Variants in CYB5RL observed in about 807,000 individuals in gnomAD.
CYB5RL encodes NADH-cytochrome b5 reductase-like.
CYB5RL carries 38 observed loss-of-function variants against 37.5 expected under a neutral mutation model. The observed-to-expected ratio is 1.01, with a 90% CI of 0.78 to 1.33. CYB5RL has a LOEUF of 1.33. Among genes scored for constraint, CYB5RL ranks in the 40% most tolerant of loss-of-function variants. The probability of loss-of-function intolerance (pLI) is 0.00; values close to 1 mark genes in which losing one functional copy is unlikely to be tolerated. For missense variants in CYB5RL, 388 were observed against 394.4 expected (o/e 0.98, Z 0.14); for synonymous variants, 141 against 151.9 (o/e 0.93, Z 0.53).
chr1:54,171,743 G>C lies in CYB5RL; in HGVS notation c.*2876C>G. 3.0e-6 allele frequency: 1 copy of C among 331,024 alleles called. No homozygotes were observed. Among genetic ancestry groups the C allele is most frequent in the South Asian group, 2.6e-5 (1 of 38,738 alleles). The allele number at this position is 331,024 out of a possible 1,614,324, so 20.5% of individuals were successfully genotyped here. A position where few individuals can be genotyped will look rare whatever the true frequency, so the allele number is the denominator to read the frequency against. On this transcript the variant is annotated 3_prime_UTR_variant, in exon 8 of 8. Coordinates refer to ENST00000534324, the MANE Select transcript of CYB5RL (RefSeq NM_001031672.4). ...GCCACGCCTCCCACAACACGCAGTG[G>C]GCATCATCAGAGGAACAGCAGCTGA...
Position 54,173,220 on chromosome 1 carries a change from T to G in CYB5RL, c.*1399A>C, listed in dbSNP as rs1659935001. 3 of 152,322 alleles carry G rather than the reference T, an allele frequency of 2.0e-5. No homozygotes were observed. In the South Asian group the frequency reaches 6.2e-4, roughly 32 times the overall value. The allele number at this position is 152,322 out of a possible 1,614,324, so 9.4% of individuals were successfully genotyped here. ...TTAAATGTGACACAGCAGAGAGATT[T>G]GTTGCCATTTTTTTTAGTGGCTAGG... On this transcript the variant is annotated 3_prime_UTR_variant, in exon 8 of 8. Transcript: ENST00000534324.
At chr1:54,195,315 C>T in intron 3 of CYB5RL, 104 bp downstream of exon 3, 1 of 1,306,910 alleles carries the variant, frequency 7.7e-7, no homozygotes, top group Non-Finnish European at 1.0e-6. Context: ...ATACTCTTTT[C>T]TTCTGCTGTA....
intron 1 of CYB5RL, among the ~76,000 whole-genome samples, chr1:54,199,295 CAG>C (rs1444488680): frequency 6.6e-6 from 1 of 152,196 alleles, no homozygotes; most frequent in Non-Finnish European, 1.5e-5. Context: ...AGTGAAGAAA[CAG>C]AAACCCTTGC....
In CYB5RL at chr1:54,198,630, C is replaced by CTTT. The variant is rs145616563; in HGVS notation, c.-223+1343_-223+1345dup. Among the ~76,000 whole-genome samples the CTTT allele has an allele frequency of 4.2e-4, 44 of 103,916 alleles. 1 individual carries two copies. The highest frequency in any genetic ancestry group is 9.1e-4 in the African/African-American group (23 of 25,304). The allele number at this position is 103,916 out of a possible 152,430, so 68.2% of individuals were successfully genotyped here. ...ATAGGCGTGAGCCACCATGCCCGGC[C>CTTT]TTTTTTTTTTTTTTTTTTTGAGACA... On this transcript the variant is annotated intron_variant, in intron 1 of 7. Transcript: ENST00000534324.
At position 54,192,207 on chromosome 1, in the gene CYB5RL, T is replaced by TG. The variant is rs1553177920; in HGVS notation, c.199-1312_199-1311insC. 2.8e-5 allele frequency among the ~76,000 whole-genome samples: 4 copies of TG among 142,512 alleles called. No homozygotes were observed. The Admixed American group carries it at 2.9e-4, about 10-fold the overall frequency. The allele number at this position is 142,512 out of a possible 152,430, so 93.5% of individuals were successfully genotyped here. On this transcript the variant is annotated intron_variant, in intron 3 of 7. Coordinates refer to ENST00000534324, the MANE Select transcript of CYB5RL (RefSeq NM_001031672.4). The stretch of plus-strand genomic sequence containing the variant: ...TTTTTTTTTTTTTTTTTTTTTGAGA[T>TG]AGAGTCTCGCTCTGTTGCCCAGGCT...
chr1:54,179,881 A>T, intron 6 of CYB5RL: 1 of 449,190 alleles, frequency 2.2e-6, no homozygotes, highest in Non-Finnish European at 4.4e-6. Context: ...GAGCTTGCTC[A>T]TCTCTAGGCT....
At chr1:54,199,936 G>A (rs1174048389) in intron 1 of CYB5RL, 40 bp downstream of exon 1, 3 of 396,766 alleles carry the variant, frequency 7.6e-6, no homozygotes, top group South Asian at 9.5e-5. Context: ...GTCCAGGTCT[G>A]AAGTCCTGGA....
At chr1:54,192,773 T>G (rs1413595185) in intron 3 of CYB5RL, among the ~76,000 whole-genome samples, 1 of 151,898 alleles carries the variant, frequency 6.6e-6, no homozygotes, top group Non-Finnish European at 1.5e-5. Flanking sequence ...TTTTTTTTTT[T>G]GAGACAGAGT....
intron 4 of CYB5RL, among the ~76,000 whole-genome samples, chr1:54,190,221 C>T (rs1158965506): frequency 1.3e-5 from 2 of 152,174 alleles, no homozygotes; most frequent in Non-Finnish European, 2.9e-5. Flanking sequence ...TGGTAAAGAG[C>T]GTAACTCAGG....
At chr1:54,197,486 G>C (rs527954064) in intron 1 of CYB5RL, among the ~76,000 whole-genome samples, 9 of 152,004 alleles carry the variant, frequency 5.9e-5, no homozygotes, top group African/African-American at 2.2e-4. Context: ...ACAATGCCCG[G>C]CTAGGTTTTA....
At chr1:54,177,759 T>A (rs1176318666) in intron 7 of CYB5RL, among the ~76,000 whole-genome samples, 1 of 152,226 alleles carries the variant, frequency 6.6e-6, no homozygotes, top group East Asian at 1.9e-4. Flanking sequence ...GAGAATGTGC[T>A]GAATGAAGGG....
In CYB5RL at chr1:54,184,150, C is replaced by T. The variant is rs1660233619; in HGVS notation, c.540+11G>A. 6.2e-7 allele frequency: 1 copy of T among 1,609,478 alleles called. No homozygotes were observed. The highest frequency in any genetic ancestry group is 8.5e-7 in the Non-Finnish European group (1 of 1,177,788). On this transcript the variant is annotated intron_variant, in intron 6 of 7. Transcript: ENST00000534324. Reference sequence around the variant, plus strand: ...AGGGATCTCCTGAAGATTTAAGGTGCTGGCACTGACCTGGTTTGGTTTATA... The same window carrying T: ...AGGGATCTCCTGAAGATTTAAGGTGTTGGCACTGACCTGGTTTGGTTTATA...
intron 7 of CYB5RL, among the ~76,000 whole-genome samples, chr1:54,176,311 T>C (rs1328266843): frequency 6.6e-6 from 1 of 152,180 alleles, no homozygotes; most frequent in Non-Finnish European, 1.5e-5. Context: ...GGTGGCAGGA[T>C]CGCTTGAGCC....
At chr1:54,177,069 TAGG>T (rs1004066289) in intron 7 of CYB5RL, among the ~76,000 whole-genome samples, 12 of 152,094 alleles carry the variant, frequency 7.9e-5, no homozygotes, top group Non-Finnish European at 1.5e-4. Context: ...GAGGGCGGGC[TAGG>T]AGATGAGGCC....
intron 3 of CYB5RL, among the ~76,000 whole-genome samples, chr1:54,191,379 G>A (rs1029264392): frequency 2.0e-5 from 3 of 152,186 alleles, no homozygotes; most frequent in East Asian, 1.9e-4. Context: ...TAATTTATAA[G>A]TTGATGGGAC....
chr1:54,180,069 T>G (rs1035864009), intron 6 of CYB5RL: 15 of 448,058 alleles, frequency 3.3e-5, no homozygotes, highest in Admixed American at 7.2e-5. Context: ...AAACTCCGTC[T>G]CTACTAAAAA....
chr1:54,184,022 T>C, intron 6 of CYB5RL, 139 bp downstream of exon 6: 2 of 552,754 alleles, frequency 3.6e-6, no homozygotes, highest in Non-Finnish European at 6.4e-6. Flanking sequence ...TATTCCATCT[T>C]CTCCCATGTC....
chr1:54,187,839 G>C (rs1643916694), intron 4 of CYB5RL, 100 bp from the exon 5 acceptor site: 1 of 966,956 alleles, frequency 1.0e-6, no homozygotes, highest in East Asian at 2.4e-5. Flanking sequence ...ACTTTGGGAG[G>C]CCGAGGTGGG....
intron 3 of CYB5RL, among the ~76,000 whole-genome samples, chr1:54,193,297 T>C (rs943003836): frequency 1.3e-4 from 20 of 152,220 alleles, no homozygotes; most frequent in African/African-American, 4.6e-4. Context: ...CTTCCAGAAC[T>C]GATATTTTGG....
Sources: allele counts gnomAD v4.1 joint callset (sites outside exome capture counted in the v4.1 genomes callset), GRCh38; gene constraint gnomAD v4.1.1; transcripts MANE v1.5; gene names NCBI Gene and HGNC (gene_info 2026-07-23, HGNC 2026-07-21).